Variants in THOC5 observed in about 807,000 individuals in gnomAD.
The protein encoded by THOC5 is THO complex subunit 5, also known as Fms-interacting protein.
In THOC5, 43 loss-of-function variants were observed where a neutral mutation model predicts 92.9. The ratio of observed to expected loss-of-function variants is 0.46; its 90% CI spans 0.36 to 0.60. The LOEUF is 0.60. Ranked by LOEUF, THOC5 falls within the 20% of genes least tolerant of loss-of-function variation. The pLI is 0.00. For synonymous variants in THOC5, 296 were observed against 320.1 expected (o/e 0.92, Z 0.80); for missense variants, 659 against 849.4 (o/e 0.78, Z 2.79).
At chr22:29,552,606 C>T (rs1218469862) in intron 1 of THOC5, among the ~76,000 whole-genome samples, 3 of 150,084 alleles carry the variant, frequency 2.0e-5, no homozygotes, top group South Asian at 2.1e-4. Flanking sequence ...CCAGCCGCCC[C>T]GTCGGGTCGG....
At chr22:29,515,413 C>G (rs1235472819) in intron 17 of THOC5, among the ~76,000 whole-genome samples, 1 of 152,130 alleles carries the variant, frequency 6.6e-6, no homozygotes, top group African/African-American at 2.4e-5. Flanking sequence ...TTTATACGTA[C>G]TGGGAAACCA....
intron 8 of THOC5, chr22:29,531,480 C>G: frequency 9.6e-7 from 1 of 1,040,102 alleles, no homozygotes; most frequent in Non-Finnish European, 1.2e-6. Flanking sequence ...CCAGGCACCC[C>G]CACCCTGAAG....
In THOC5 at chr22:29,542,840, C is replaced by T; in HGVS notation, c.452+19G>A. The T allele has an allele frequency of 6.3e-7, 1 of 1,577,618 alleles. No homozygotes were observed. On this transcript the variant is annotated intron_variant, in intron 5 of 19. Transcript: ENST00000490103. ...ACCGAAAGACCACATGTGCCAAAGC[C>T]CTGTCCTCCCAAACTCACTTAAACT...
intron 1 of THOC5, chr22:29,550,661 G>A (rs1048297444): frequency 2.0e-5 from 3 of 152,012 alleles, no homozygotes; most frequent in Admixed American, 6.6e-5. Context: ...ATGAGTCCCC[G>A]GACGAGTCAC....
intron 17 of THOC5, among the ~76,000 whole-genome samples, chr22:29,512,732 A>G (rs1453644167): frequency 6.6e-6 from 1 of 152,222 alleles, no homozygotes; most frequent in Non-Finnish European, 1.5e-5. Context: ...TTTTACACAT[A>G]AAGAAACAGG....
intron 12 of THOC5, among the ~76,000 whole-genome samples, chr22:29,522,432 T>C (rs2063462405): frequency 6.6e-6 from 1 of 151,982 alleles, no homozygotes; most frequent in Admixed American, 6.6e-5. Context: ...GTTTAGGGAC[T>C]ATTACTAATA....
rs943708937 is a variant in THOC5, at chr22:29,506,471, G to C, written c.*1986C>G. ...GAGGATCATTTGAGCCCAGGAGTTT[G>C]AGACCAGCCTGGGAAAAATAGTGGG... On this transcript the variant is annotated 3_prime_UTR_variant, in exon 20 of 20. Coordinates refer to ENST00000490103, the MANE Select transcript of THOC5 (RefSeq NM_003678.5). 1.3e-5 allele frequency: 2 copies of C among 152,134 alleles called. No homozygotes were observed. Among genetic ancestry groups the C allele is most frequent in the Non-Finnish European group, 2.9e-5 (2 of 68,058 alleles). The allele number at this position is 152,134 out of a possible 1,614,324, so 9.4% of individuals were successfully genotyped here.
chr22:29,535,388 A>C (rs2063741061), intron 7 of THOC5: 1 of 152,028 alleles, frequency 6.6e-6, no homozygotes, highest in Non-Finnish European at 1.5e-5. Context: ...CCCAGTCCTC[A>C]AAGTAGCTGC....
At chr22:29,538,844 C>CTCA (rs1714645502) in intron 6 of THOC5, among the ~76,000 whole-genome samples, 2 of 145,168 alleles carry the variant, frequency 1.4e-5, no homozygotes, top group Admixed American at 1.4e-4. Flanking sequence ...GGCACAGTGG[C>CTCA]TCACGTCTGT....
At chr22:29,524,012 T>C (rs1006631248) in intron 12 of THOC5, among the ~76,000 whole-genome samples, 2 of 152,180 alleles carry the variant, frequency 1.3e-5, no homozygotes, top group Non-Finnish European at 2.9e-5. Flanking sequence ...CTGCGATAAT[T>C]GGTTGTATGC....
intron 2 of THOC5, among the ~76,000 whole-genome samples, chr22:29,548,242 GCATGA>G (rs2064066813): frequency 6.6e-6 from 1 of 152,142 alleles, no homozygotes; most frequent in Admixed American, 6.5e-5. Context: ...CAAAATGGCT[GCATGA>G]CAGTCTCCTA....
intron 17 of THOC5, among the ~76,000 whole-genome samples, chr22:29,516,149 A>C (rs2063328506): frequency 1.1e-5 from 1 of 93,638 alleles, no homozygotes; most frequent in Admixed American, 1.1e-4. Context: ...TCTCTACTGA[A>C]AAAAAAAAAA....
chr22:29,545,414 T>G (rs2063995857), intron 2 of THOC5, among the ~76,000 whole-genome samples: 1 of 152,124 alleles, frequency 6.6e-6, no homozygotes, highest in African/African-American at 2.4e-5. Flanking sequence ...AAGTCTTAAC[T>G]CATTTCAGCA....
At chr22:29,509,177 C>T (rs1317723448) in intron 19 of THOC5, among the ~76,000 whole-genome samples, 1 of 151,010 alleles carries the variant, frequency 6.6e-6, no homozygotes, top group Non-Finnish European at 1.5e-5. Context: ...CAACAAAGCC[C>T]TTCAAGAATG....
Position 29,548,038 on chromosome 22 carries a change from G to A in THOC5, c.96+1014C>T, listed in dbSNP as rs535256166. ...GGAAGCAAAAGCAGAAACCCCTGAT[G>A]AGCGCATCAGATCTCATGAGGCTTA... is the stretch of plus-strand genomic sequence containing the variant. On this transcript the variant is annotated intron_variant, in intron 2 of 19. Coordinates refer to ENST00000490103, the MANE Select transcript of THOC5 (RefSeq NM_003678.5). Among the ~76,000 whole-genome samples the A allele has an allele frequency of 3.3e-5, 5 of 152,250 alleles. 1 individual carries two copies. The highest frequency in any genetic ancestry group is 7.3e-5 in the Non-Finnish European group (5 of 68,028).
chr22:29,506,747 C>T lies in THOC5; in HGVS notation c.*1710G>A, dbSNP rs1482256870. 1 of 152,260 alleles carries T rather than the reference C, an allele frequency of 6.6e-6. No homozygotes were observed. The highest frequency in any genetic ancestry group is 2.4e-5 in the African/African-American group (1 of 41,458). The allele number at this position is 152,260 out of a possible 1,614,324, so 9.4% of individuals were successfully genotyped here. A position where few individuals can be genotyped will look rare whatever the true frequency, so the allele number is the denominator to read the frequency against. On this transcript the variant is annotated 3_prime_UTR_variant, in exon 20 of 20. Coordinates refer to ENST00000490103, the MANE Select transcript of THOC5 (RefSeq NM_003678.5). ...TGTATCTCTGTATGTGATTGATTCTCCAACACCACTCTCGCCATCTCCATG... is the reference window on the plus strand; with the variant it reads ...TGTATCTCTGTATGTGATTGATTCTTCAACACCACTCTCGCCATCTCCATG...
intron 17 of THOC5, among the ~76,000 whole-genome samples, chr22:29,512,918 A>C (rs892925699): frequency 6.6e-6 from 1 of 152,196 alleles, no homozygotes; most frequent in African/African-American, 2.4e-5. Context: ...GAAGACATTT[A>C]TCTTCTCAAG....
intron 15 of THOC5, among the ~76,000 whole-genome samples, chr22:29,518,213 T>G (rs2063370245): frequency 6.6e-6 from 1 of 152,156 alleles, no homozygotes; most frequent in Non-Finnish European, 1.5e-5. Flanking sequence ...TTTGTATTTT[T>G]AGTAGAGACG....
At chr22:29,533,201 T>C (rs2063690079) in intron 7 of THOC5, among the ~76,000 whole-genome samples, 1 of 152,168 alleles carries the variant, frequency 6.6e-6, no homozygotes, top group Admixed American at 6.5e-5. Context: ...CTGAAACTTG[T>C]ATGTAAATGC....
Sources: allele counts gnomAD v4.1 joint callset (sites outside exome capture counted in the v4.1 genomes callset), GRCh38; gene constraint gnomAD v4.1.1; transcripts MANE v1.5; gene names NCBI Gene and HGNC (gene_info 2026-07-23, HGNC 2026-07-21).